Variants in SNTG2 observed in about 807,000 individuals in gnomAD.
SNTG2 encodes the protein syntrophin gamma 2, also known as gamma-2-syntrophin.
Under a neutral mutation model 70.9 loss-of-function variants are expected in SNTG2, and 74 were observed. The ratio of observed to expected loss-of-function variants is 1.04; its 90% CI spans 0.86 to 1.27. The LOEUF is 1.27. Among genes scored for constraint, SNTG2 ranks in the 50% most tolerant of loss-of-function variants. The pLI is 0.00. For missense variants in SNTG2, 717 were observed against 690.7 expected, an observed-to-expected ratio of 1.04 and a Z score of -0.43; for synonymous variants, 278 against 273.8, an observed-to-expected ratio of 1.02 and a Z score of -0.15.
intron 1 of SNTG2, among the ~76,000 whole-genome samples, chr2:992,081 C>T (rs536451860): frequency 1.2e-4 from 18 of 152,050 alleles, no homozygotes; most frequent in Admixed American, 5.2e-4. Context: ...ATGAGGCATG[C>T]GAAGCAGATA....
intron 14 of SNTG2, among the ~76,000 whole-genome samples, chr2:1,282,324 C>T (rs1679583050): frequency 6.6e-6 from 1 of 152,166 alleles, no homozygotes; most frequent in Non-Finnish European, 1.5e-5. Flanking sequence ...ATACTATATC[C>T]ACCATTGTCT....
intron 16 of SNTG2, among the ~76,000 whole-genome samples, chr2:1,328,622 G>T (rs938701622): frequency 6.6e-6 from 1 of 152,164 alleles, no homozygotes; most frequent in Non-Finnish European, 1.5e-5. Flanking sequence ...AGATGGAGGA[G>T]CTCTTGTTTT....
At chr2:1,065,075 C>T (rs980918395) in intron 1 of SNTG2, among the ~76,000 whole-genome samples, 13 of 152,056 alleles carry the variant, frequency 8.5e-5, no homozygotes, top group African/African-American at 3.1e-4. Context: ...TCACTCTGTC[C>T]GTTGGTTACA....
At chr2:1,304,489 G>A (rs1680589363) in intron 14 of SNTG2, among the ~76,000 whole-genome samples, 2 of 152,150 alleles carry the variant, frequency 1.3e-5, no homozygotes, top group African/African-American at 2.4e-5. Context: ...CACTTTGGGA[G>A]GCCAAGGCGG....
chr2:1,237,143 A>T (rs1676715003), intron 9 of SNTG2, among the ~76,000 whole-genome samples: 1 of 151,878 alleles, frequency 6.6e-6, no homozygotes, highest in Non-Finnish European at 1.5e-5. Flanking sequence ...GGACTTCACC[A>T]TGTTGGCCAG....
At chr2:1,346,894 A>G (rs1349624247) in intron 16 of SNTG2, among the ~76,000 whole-genome samples, 1 of 152,134 alleles carries the variant, frequency 6.6e-6, no homozygotes, top group Non-Finnish European at 1.5e-5. Context: ...CTTTGTCTAA[A>G]GACTTGAGGT....
chr2:1,080,671 C>T lies in SNTG2; in HGVS notation c.73-2847C>T, dbSNP rs576751672. On this transcript the variant is annotated intron_variant, in intron 1 of 16. Transcript: ENST00000308624. ...TTGTGTCTGTGTGTGTGCATGCATC[C>T]CTGTATGTGTGTGCATGAGTGTTTG... Among the ~76,000 whole-genome samples the T allele has an allele frequency of 3.0e-4, 44 of 148,588 alleles. 1 individual carries two copies. The South Asian group carries it at 8.8e-3, about 30-fold the overall frequency.
intron 6 of SNTG2, among the ~76,000 whole-genome samples, chr2:1,151,598 A>G (rs981061197): frequency 6.6e-6 from 1 of 152,130 alleles, no homozygotes; most frequent in African/African-American, 2.4e-5. Context: ...CTTCCACTCT[A>G]GGAACCTTCA....
intron 1 of SNTG2, among the ~76,000 whole-genome samples, chr2:968,579 TA>T (rs947835169): frequency 9.2e-5 from 14 of 152,294 alleles, no homozygotes; most frequent in African/African-American, 2.9e-4. Flanking sequence ...TGATCTGGGG[TA>T]TTTCTTGCCT....
chr2:1,313,874 G>A (rs1372988637), intron 15 of SNTG2, among the ~76,000 whole-genome samples: 5 of 152,170 alleles, frequency 3.3e-5, no homozygotes, highest in Non-Finnish European at 5.9e-5. Context: ...ATAATTTTAA[G>A]CATATATACT....
intron 1 of SNTG2, among the ~76,000 whole-genome samples, chr2:1,007,252 C>T (rs879513515): frequency 1.4e-4 from 21 of 152,164 alleles, no homozygotes; most frequent in East Asian, 3.9e-4. Flanking sequence ...ATTAGACAGG[C>T]GACCTGAGTT....
intron 10 of SNTG2, among the ~76,000 whole-genome samples, chr2:1,238,937 A>G (rs1036497575): frequency 6.6e-6 from 1 of 152,210 alleles, no homozygotes; most frequent in African/African-American, 2.4e-5. Context: ...GCTGCAAAAC[A>G]GAAGTTAACC....
chr2:1,299,978 G>T (rs919196247), intron 14 of SNTG2, among the ~76,000 whole-genome samples: 4 of 85,494 alleles, frequency 4.7e-5, no homozygotes, highest in Non-Finnish European at 9.5e-5. Context: ...TTAAATGAGG[G>T]CACTTACCAT....
At chr2:1,112,075 G>A (rs530736903) in intron 4 of SNTG2, among the ~76,000 whole-genome samples, 36 of 151,202 alleles carry the variant, frequency 2.4e-4, no homozygotes, top group African/African-American at 8.6e-4. Context: ...GAGGAGGATC[G>A]TGTGTACTAA....
At chr2:1,336,592 G>T (rs551194906) in intron 16 of SNTG2, among the ~76,000 whole-genome samples, 1 of 152,006 alleles carries the variant, frequency 6.6e-6, no homozygotes, top group Non-Finnish European at 1.5e-5. Flanking sequence ...TATAGTTTTT[G>T]GTCTTACATT....
intron 9 of SNTG2, among the ~76,000 whole-genome samples, chr2:1,229,336 C>T (rs1296339474): frequency 6.6e-6 from 1 of 152,050 alleles, no homozygotes; most frequent in African/African-American, 2.4e-5. Flanking sequence ...CACAAAAGTT[C>T]TCCAAGGCCC....
intron 12 of SNTG2, among the ~76,000 whole-genome samples, chr2:1,258,110 TG>T (rs1229695054): frequency 4.0e-5 from 6 of 151,778 alleles, no homozygotes; most frequent in Non-Finnish European, 8.8e-5. Context: ...CTGGCCAGGG[TG>T]GGAACGGGAG....
intron 8 of SNTG2, among the ~76,000 whole-genome samples, chr2:1,186,669 A>G (rs1672273182): frequency 6.6e-6 from 1 of 152,028 alleles, no homozygotes; most frequent in Non-Finnish European, 1.5e-5. Flanking sequence ...ACTTTTAATA[A>G]ACCAGATCTC....
intron 9 of SNTG2, among the ~76,000 whole-genome samples, chr2:1,233,635 G>C (rs370312372): frequency 6.6e-6 from 1 of 152,180 alleles, no homozygotes; most frequent in African/African-American, 2.4e-5. Flanking sequence ...ACCTGAGCAC[G>C]TAACTTCAAT....
Sources: gnomAD v4.1 joint callset for allele counts (sites outside exome capture counted in the v4.1 genomes callset) on GRCh38, gnomAD v4.1.1 for gene constraint, MANE v1.5 for transcripts, NCBI Gene and HGNC (gene_info 2026-07-23, HGNC 2026-07-21) for gene names.